The following CMKLR1 variants were observed in gnomAD, a reference collection of about 807,000 sequenced individuals.
The protein encoded by CMKLR1 is chemerin chemokine-like receptor 1, also known as chemerin-like receptor 1.
A neutral mutation model predicts 8.2 loss-of-function variants in CMKLR1; 6 were observed. The observed-to-expected ratio is 0.73, with a 90% CI of 0.40 to 1.44. CMKLR1 has a LOEUF of 1.44. Ranked by LOEUF, CMKLR1 falls within the 40% of genes most tolerant of loss-of-function variation. CMKLR1 has a pLI of 0.02. For synonymous variants in CMKLR1, 178 were observed against 181.2 expected (o/e 0.98, Z 0.14); for missense variants, 429 against 478.0 (o/e 0.90, Z 0.96).
chr12:108,315,022 C>A (rs983619660), intron 2 of CMKLR1, among the ~76,000 whole-genome samples: 2 of 146,024 alleles, frequency 1.4e-5, no homozygotes, highest in Non-Finnish European at 3.0e-5. Flanking sequence ...ACCGCAATAT[C>A]CACCTCCCAG....
chr12:108,308,118 AAGT>A (rs771142718), intron 2 of CMKLR1, among the ~76,000 whole-genome samples: 1 of 152,030 alleles, frequency 6.6e-6, no homozygotes, highest in Non-Finnish European at 1.5e-5. Flanking sequence ...TATCATCTGG[AAGT>A]AGGTTTCACT....
intron 2 of CMKLR1, among the ~76,000 whole-genome samples, chr12:108,323,475 G>A (rs1891908814): frequency 6.6e-6 from 1 of 152,126 alleles, no homozygotes; most frequent in Non-Finnish European, 1.5e-5. Context: ...CCAAAGGACA[G>A]CTTGCCTTCT....
At chr12:108,333,303 C>T (rs1357747474) in intron 1 of CMKLR1, among the ~76,000 whole-genome samples, 2 of 152,118 alleles carry the variant, frequency 1.3e-5, no homozygotes, top group African/African-American at 4.8e-5. Flanking sequence ...CTGAGTCAGC[C>T]GCTGGTACTT....
intron 1 of CMKLR1, among the ~76,000 whole-genome samples, chr12:108,335,823 C>T (rs542088224): frequency 6.6e-6 from 1 of 152,214 alleles, no homozygotes; most frequent in African/African-American, 2.4e-5. Flanking sequence ...AATAACACCA[C>T]CTTTATCTGT....
At chr12:108,312,170 C>T (rs1891599646) in intron 2 of CMKLR1, among the ~76,000 whole-genome samples, 2 of 152,208 alleles carry the variant, frequency 1.3e-5, no homozygotes, top group African/African-American at 4.8e-5. Flanking sequence ...ACCTCCATTT[C>T]ACAGATGTTG....
chr12:108,319,632 T>G (rs1307608071), intron 2 of CMKLR1, among the ~76,000 whole-genome samples: 1 of 152,216 alleles, frequency 6.6e-6, no homozygotes, highest in Non-Finnish European at 1.5e-5. Flanking sequence ...AGAAGGAATA[T>G]AAACAGCTAG....
Position 108,292,916 on chromosome 12 carries a change from T to C in CMKLR1, c.47A>G (p.Asp16Gly). The C allele has an allele frequency of 6.2e-7, 1 of 1,613,438 alleles. No homozygotes were observed. The highest frequency in any genetic ancestry group is 8.5e-7 in the Non-Finnish European group (1 of 1,179,488). Residue 16 changes from aspartate (D) to glycine (G), a missense_variant, in exon 4 of 4, where the codon GAT becomes GGT. Asp to Gly is a moderately conservative substitution (Grantham distance 94, BLOSUM62 -1). Coordinates refer to ENST00000550402, the MANE Select transcript of CMKLR1 (RefSeq NM_001142343.2). ...GGAGTCTAAATAATCAGGGTATTCA[T>C]CACCGTAACTGATGGAAGTGTTGTA... ...EDYNTSISYG[D>G]EYPDYLDSIV...
At chr12:108,293,319 T>A (rs1039230941) in intron 3 of CMKLR1, among the ~76,000 whole-genome samples, 2 of 152,202 alleles carry the variant, frequency 1.3e-5, no homozygotes, top group African/African-American at 4.8e-5. Flanking sequence ...TCAGAGTCTA[T>A]CCTTTTGACA....
At chr12:108,303,131 C>A (rs74696054) in intron 2 of CMKLR1, among the ~76,000 whole-genome samples, 1 of 152,224 alleles carries the variant, frequency 6.6e-6, no homozygotes, top group African/African-American at 2.4e-5. Flanking sequence ...AGAGCTCCAC[C>A]CGTTTTCCCC....
intron 2 of CMKLR1, among the ~76,000 whole-genome samples, chr12:108,298,015 G>A (rs1247463452): frequency 6.6e-6 from 1 of 152,202 alleles, no homozygotes; most frequent in Non-Finnish European, 1.5e-5. Flanking sequence ...ATACTCTGGA[G>A]GATTCAGGGT....
At chr12:108,323,372 G>A (rs1593176013) in intron 2 of CMKLR1, among the ~76,000 whole-genome samples, 2 of 150,316 alleles carry the variant, frequency 1.3e-5, no homozygotes, top group East Asian at 3.9e-4. Context: ...ATTTATTTTT[G>A]TGGCTTATCT....
chr12:108,293,451 A>G, intron 3 of CMKLR1, 138 bp downstream of exon 3: 1 of 817,064 alleles, frequency 1.2e-6, no homozygotes, highest in Non-Finnish European at 2.0e-6. Flanking sequence ...GCAATGAAGA[A>G]GAGGTACATG....
At chr12:108,306,273 T>TG (rs1288035634) in intron 2 of CMKLR1, among the ~76,000 whole-genome samples, 7 of 152,194 alleles carry the variant, frequency 4.6e-5, no homozygotes, top group African/African-American at 1.4e-4. Context: ...CTTCCTGCTC[T>TG]AGCCCCTCAG....
chr12:108,311,798 C>T (rs183703130), intron 2 of CMKLR1, among the ~76,000 whole-genome samples: 1 of 152,316 alleles, frequency 6.6e-6, no homozygotes, highest in Admixed American at 6.5e-5. Flanking sequence ...TGACCCAGGA[C>T]AGGGCTGCAG....
At chr12:108,301,531 C>T (rs1891273598) in intron 2 of CMKLR1, among the ~76,000 whole-genome samples, 1 of 152,230 alleles carries the variant, frequency 6.6e-6, no homozygotes, top group African/African-American at 2.4e-5. Context: ...GTTCATCCTC[C>T]ACCAGCCCCC....
At chr12:108,322,423 CAGT>C (rs1891883108) in intron 2 of CMKLR1, among the ~76,000 whole-genome samples, 1 of 152,188 alleles carries the variant, frequency 6.6e-6, no homozygotes, top group Admixed American at 6.5e-5. Context: ...AATCCCAACT[CAGT>C]TCACAACTTT....
intron 2 of CMKLR1, among the ~76,000 whole-genome samples, chr12:108,319,511 C>T (rs1891807826): frequency 6.6e-6 from 1 of 152,234 alleles, no homozygotes; most frequent in African/African-American, 2.4e-5. Context: ...CTCTTTGTTG[C>T]TTAAATTCTT....
At chr12:108,303,137 T>A (rs1285969884) in intron 2 of CMKLR1, among the ~76,000 whole-genome samples, 2 of 152,166 alleles carry the variant, frequency 1.3e-5, no homozygotes, top group African/African-American at 4.8e-5. Flanking sequence ...CCACCCGTTT[T>A]CCCCGTTAGG....
At chr12:108,307,841 A>C (rs1891448474) in intron 2 of CMKLR1, among the ~76,000 whole-genome samples, 1 of 152,124 alleles carries the variant, frequency 6.6e-6, no homozygotes, top group Admixed American at 6.5e-5. Flanking sequence ...CCACACCTCC[A>C]AGTCTCTTTT....
Sources: gnomAD v4.1 joint callset for allele counts (sites outside exome capture counted in the v4.1 genomes callset) on GRCh38, gnomAD v4.1.1 for gene constraint, MANE v1.5 for transcripts, NCBI Gene and HGNC (gene_info 2026-07-23, HGNC 2026-07-21) for gene names.